TANC1: variants seen among roughly 807,000 people sequenced by gnomAD.
TANC1 encodes the protein protein TANC1.
A neutral mutation model predicts 149.7 loss-of-function variants in TANC1; 77 were observed. The ratio of observed to expected loss-of-function variants is 0.51; its 90% CI spans 0.43 to 0.62. The LOEUF is 0.62. TANC1 is among the 20% of genes least tolerant of loss of function. The pLI, the probability that TANC1 is intolerant of heterozygous loss-of-function variation, is 0.00. For missense variants in TANC1, 1,985 were observed against 2,321.8 expected (o/e 0.85, Z 2.98); for synonymous variants, 854 against 925.0 (o/e 0.92, Z 1.39).
intron 4 of TANC1, among the ~76,000 whole-genome samples, chr2:159,113,788 G>A (rs2047985074): frequency 6.6e-6 from 1 of 152,194 alleles, no homozygotes; most frequent in African/African-American, 2.4e-5. Flanking sequence ...CTTGAGCCAA[G>A]GAGTTTGTGA....
At chr2:159,225,405 T>TC (rs1024369510) in intron 23 of TANC1, 2 of 504,730 alleles carry the variant, frequency 4.0e-6, no homozygotes, top group Non-Finnish European at 7.1e-6. Context: ...TAATTAATTT[T>TC]CCCCACATCC....
rs13398815 is a variant in TANC1 at position 159,112,608 on chromosome 2, G to A, written c.259+14774G>A. On this transcript the variant is annotated intron_variant, in intron 4 of 26. Coordinates refer to ENST00000263635, the MANE Select transcript of TANC1 (RefSeq NM_033394.3). Reference sequence around the variant, plus strand: ...CTAAGAGACAGGTTCTTGCTTTGTCGCTCAGCTGGAGTGCAATGGCACAAT... The same window carrying A: ...CTAAGAGACAGGTTCTTGCTTTGTCACTCAGCTGGAGTGCAATGGCACAAT... Among the ~76,000 whole-genome samples the A allele has an allele frequency of 2.2e-3, 306 of 136,876 alleles. 1 individual carries two copies. Among genetic ancestry groups the A allele is most frequent in the African/African-American group, 7.8e-3 (286 of 36,434 alleles). The allele number at this position is 136,876 out of a possible 152,430, so 89.8% of individuals were successfully genotyped here. A position where few individuals can be genotyped will look rare whatever the true frequency, so the allele number is the denominator to read the frequency against.
rs2060281839 is a variant in TANC1 at position 159,230,498 on chromosome 2, G to A, written c.5072G>A (p.Gly1691Asp). 1.2e-6 allele frequency: 2 copies of A among 1,614,062 alleles called. No individual in the cohort carries two copies. Among genetic ancestry groups the A allele is most frequent in the Non-Finnish European group, 1.7e-6 (2 of 1,180,050 alleles). Residue 1691 changes from glycine to aspartate, a missense_variant, in exon 27 of 27, where the codon GGC (glycine) becomes GAC (aspartate). By Grantham distance (94) the Gly-to-Asp change is moderately conservative. Around this residue, in one of 3 missense-constraint regions of TANC1, gnomAD observed 920 missense variants for 994.7 expected, o/e 0.92. Coordinates refer to ENST00000263635, the MANE Select transcript of TANC1 (RefSeq NM_033394.3). This position sits in a 1 kb window ranked among gnomAD's most constrained non-coding sequence, Gnocchi z 4.4. ...SLTSSSSFSD[G>D]FKVQGPDTRI... ...ACTTCGAGCAGCAGTTTTTCAGATGGCTTCAAGGTCCAAGGACCAGATACT... is the reference window on the plus strand; with the variant it reads ...ACTTCGAGCAGCAGTTTTTCAGATGACTTCAAGGTCCAAGGACCAGATACT...
intron 22 of TANC1, 122 bp from the exon 23 acceptor site, chr2:159,224,110 G>A: frequency 8.8e-7 from 1 of 1,137,528 alleles, no homozygotes; most frequent in Non-Finnish European, 1.3e-6. Context: ...TTCTAGTCTA[G>A]GATCCTTAAT....
chr2:158,992,400 C>T (rs1382498959), intron 1 of TANC1, among the ~76,000 whole-genome samples: 1 of 151,922 alleles, frequency 6.6e-6, no homozygotes, highest in Admixed American at 6.6e-5. Context: ...AGTGCAGCAG[C>T]CATGATTTTA....
Position 159,178,872 on chromosome 2 carries a change from A to G in TANC1, c.2219A>G (p.Gln740Arg). The G allele has an allele frequency of 6.2e-7, 1 of 1,614,176 alleles. No homozygotes were observed. Among genetic ancestry groups the G allele is most frequent in the Non-Finnish European group, 8.5e-7 (1 of 1,180,028 alleles). ...PVSLSELYLL[Q>R]CNMKFMTQSA... Reference sequence around the variant, plus strand: ...TCTCTCTCTGAGCTCTATTTGCTTCAGTGCAACATGAAGTTCATGACCCAG... The same window carrying G: ...TCTCTCTCTGAGCTCTATTTGCTTCGGTGCAACATGAAGTTCATGACCCAG... The change falls in exon 14 of 27, where the codon CAG (glutamine) becomes CGG (arginine). Residue 740 changes from glutamine to arginine, a missense_variant. Transcript: ENST00000263635.
At chr2:159,098,630 C>T (rs2046369268) in intron 4 of TANC1, among the ~76,000 whole-genome samples, 1 of 151,976 alleles carries the variant, frequency 6.6e-6, no homozygotes, top group African/African-American at 2.4e-5. Flanking sequence ...TGTGAAAACT[C>T]AGACTTGTAA....
intron 2 of TANC1, among the ~76,000 whole-genome samples, chr2:159,046,333 G>C (rs771875440): frequency 1.3e-5 from 2 of 152,188 alleles, no homozygotes; most frequent in Admixed American, 6.5e-5. Flanking sequence ...TGAGGGAGAA[G>C]GGTGAGTTTC....
At chr2:159,107,689 C>T (rs996485704) in intron 4 of TANC1, among the ~76,000 whole-genome samples, 1 of 152,224 alleles carries the variant, frequency 6.6e-6, no homozygotes, top group Non-Finnish European at 1.5e-5. Flanking sequence ...TGCTCATCCT[C>T]TGGAAATTCC....
rs144471918 is a variant in TANC1 at position 159,204,606 on chromosome 2, G to A, written c.3244+5553G>A. On this transcript the variant is annotated intron_variant, in intron 19 of 26. Coordinates refer to ENST00000263635, the MANE Select transcript of TANC1 (RefSeq NM_033394.3). ...AGGTCCTTCTGTTTGAAAGAAGGTC[G>A]CCAGCACACCCAGAGCCCCATGCTT... is the stretch of plus-strand genomic sequence containing the variant. 1.6e-4 allele frequency among the ~76,000 whole-genome samples: 25 copies of A among 152,282 alleles called. No homozygotes were observed. In the South Asian group the frequency reaches 3.9e-3, roughly 24 times the overall value.
intron 22 of TANC1, among the ~76,000 whole-genome samples, chr2:159,221,970 A>G (rs934321856): frequency 9.9e-5 from 15 of 152,236 alleles, no homozygotes; most frequent in African/African-American, 3.4e-4. Context: ...ATCTAATGGA[A>G]GGACTAGCTG....
chr2:159,194,005 C>T (rs1456735306), intron 16 of TANC1, among the ~76,000 whole-genome samples: 2 of 152,094 alleles, frequency 1.3e-5, no homozygotes, highest in African/African-American at 2.4e-5. Flanking sequence ...ATTACAGTCA[C>T]GTGCCTGGGG....
In TANC1 at chr2:159,230,318, T is replaced by C. The variant is rs978607960; in HGVS notation, c.4892T>C (p.Leu1631Pro). ...AAGACGAAAACCACAGAGAGGCTTC[T>C]GTCTCATTCCTCCGTGGCTGTGGAC... The part of the protein sequence containing the change: ...PSKTKTTERL[L>P]SHSSVAVDAA... Residue 1631 changes from leucine (L) to proline (P), a missense_variant, in exon 27 of 27, where the codon CTG (leucine) becomes CCG (proline). This residue lies in a region of TANC1 where 920 missense variants were observed against 994.7 expected (regional missense o/e 0.92). Transcript: ENST00000263635. This position sits in a 1 kb window ranked among gnomAD's most constrained non-coding sequence, Gnocchi z 4.4. 3 of 1,614,038 alleles carry C rather than the reference T, an allele frequency of 1.9e-6. No individual in the cohort carries two copies. Among genetic ancestry groups the C allele is most frequent in the African/African-American group, 2.7e-5 (2 of 74,926 alleles).
chr2:159,215,536 T>C (rs1258786140), intron 19 of TANC1, among the ~76,000 whole-genome samples: 1 of 152,250 alleles, frequency 6.6e-6, no homozygotes, highest in East Asian at 1.9e-4. Flanking sequence ...ATCTGTTAGC[T>C]GCTCTGAGGG....
chr2:159,119,768 G>A (rs2048660210), intron 4 of TANC1, among the ~76,000 whole-genome samples: 1 of 152,138 alleles, frequency 6.6e-6, no homozygotes, highest in South Asian at 2.1e-4. Flanking sequence ...TCTCACTGAT[G>A]TCACAGGTTA....
At chr2:158,998,688 G>A (rs995326486) in intron 1 of TANC1, among the ~76,000 whole-genome samples, 1 of 152,234 alleles carries the variant, frequency 6.6e-6, no homozygotes, top group Non-Finnish European at 1.5e-5. Context: ...TGAAGATCCA[G>A]AAAATAGCAG....
At chr2:159,193,458 A>G (rs1447672392) in intron 16 of TANC1, among the ~76,000 whole-genome samples, 1 of 152,182 alleles carries the variant, frequency 6.6e-6, no homozygotes, top group Admixed American at 6.5e-5. Context: ...TCCTGCTTTC[A>G]ATTCTTTTGA....
intron 4 of TANC1, among the ~76,000 whole-genome samples, chr2:159,120,574 C>T (rs527676793): frequency 2.0e-4 from 30 of 152,144 alleles, no homozygotes; most frequent in Non-Finnish European, 2.5e-4. Flanking sequence ...TTCAATGTGT[C>T]AATCTTGTGT....
chr2:159,104,519 T>A (rs2046976351), intron 4 of TANC1, among the ~76,000 whole-genome samples: 1 of 95,328 alleles, frequency 1.0e-5, no homozygotes, highest in South Asian at 3.6e-4. Flanking sequence ...GATTATCTCA[T>A]ATAATTGCTT....
Sources: gnomAD v4.1 joint callset for allele counts (sites outside exome capture counted in the v4.1 genomes callset) on GRCh38, gnomAD v4.1.1 for gene constraint, gnomAD v4.1.1 regional missense constraint, Gnocchi (gnomAD v3.1) non-coding constraint, MANE v1.5 for transcripts, NCBI Gene and HGNC (gene_info 2026-07-23, HGNC 2026-07-21) for gene names.